The following ZNF362 variants were observed in gnomAD, a reference collection of about 807,000 sequenced individuals.
ZNF362 encodes rotund homolog.
A neutral mutation model predicts 42.9 loss-of-function variants in ZNF362; 11 were observed. The observed-to-expected ratio is 0.26, with a 90% confidence interval of 0.16 to 0.42. The LOEUF is 0.42. ZNF362 is among the 20% of genes least tolerant of loss of function. The pLI, the probability that ZNF362 is intolerant of heterozygous loss-of-function variation, is 1.00. For synonymous variants in ZNF362, 255 were observed against 257.3 expected (o/e 0.99, Z 0.09); for missense variants, 362 against 576.2 (o/e 0.63, Z 3.81).
In ZNF362 at chr1:33,281,828, C is replaced by G; in HGVS notation, c.908+17C>G. 1 of 1,611,876 alleles carries G rather than the reference C, an allele frequency of 6.2e-7. No homozygotes were observed. Among genetic ancestry groups the G allele is most frequent in the Non-Finnish European group, 8.5e-7 (1 of 1,178,256 alleles). On this transcript the variant is annotated intron_variant, in intron 6 of 8. Transcript: ENST00000539719. This position sits in a 1 kb window ranked among gnomAD's most constrained non-coding sequence, Gnocchi z 4.8. ...GCACACCAGGTGAGTGGCCTGCCTG[C>G]TGCCCTGCTGCAGCCCGACTCAGCT... is the stretch of plus-strand genomic sequence containing the variant.
the ZNF362 span, among the ~76,000 whole-genome samples, chr1:33,177,994 G>A: frequency 1.4e-3 from 207 of 152,298 alleles, 1 homozygote; most frequent in African/African-American, 4.9e-3. The surrounding 1 kb of genome is among the most constrained non-coding windows in gnomAD (Gnocchi z 4.1). Flanking sequence ...GATTACCTGG[G>A]TACAAAGCAG....
At chr1:33,194,532 CAAAAAAAAAAA>C in the ZNF362 span, among the ~76,000 whole-genome samples, 2 of 103,848 alleles carry the variant, frequency 1.9e-5, no homozygotes, top group African/African-American at 3.7e-5. Context: ...GACCCTGTCT[CAAAAAAAAAAA>C]AAAAAAAAAA....
Position 33,281,512 on chromosome 1 carries a change from TCTGATGTAGAAGGCCTCCC to T in ZNF362, c.684-70_684-52del. ...AGACCTGTCCCAGGTGCAAGGTCTC[TCTGATGTAGAAGGCCTCCC>T]CTGAGATGGACAGTCTGGGGGATCT... On this transcript the variant is annotated intron_variant, in intron 5 of 8. Transcript: ENST00000539719. The surrounding 1 kb of genome is among the most constrained non-coding windows in gnomAD (Gnocchi z 4.8). 7 of 1,447,232 alleles carry T rather than the reference TCTGATGTAGAAGGCCTCCC, an allele frequency of 4.8e-6. No individual in the cohort carries two copies. Among genetic ancestry groups the T allele is most frequent in the Non-Finnish European group, 6.7e-6 (7 of 1,037,136 alleles). The allele number at this position is 1,447,232 out of a possible 1,614,324, so 89.6% of individuals were successfully genotyped here.
the ZNF362 span, among the ~76,000 whole-genome samples, chr1:33,150,359 A>T: frequency 6.6e-6 from 1 of 152,224 alleles, no homozygotes; most frequent in African/African-American, 2.4e-5. Flanking sequence ...AATGATGGGG[A>T]CTGTCCCCAA....
At chr1:33,273,080 C>T (rs1042965552) in intron 2 of ZNF362, among the ~76,000 whole-genome samples, 1 of 152,256 alleles carries the variant, frequency 6.6e-6, no homozygotes, top group African/African-American at 2.4e-5. Flanking sequence ...TTGTACAGGT[C>T]CCAGGGCTGC....
chr1:33,211,434 G>T, the ZNF362 span, among the ~76,000 whole-genome samples: 5 of 152,076 alleles, frequency 3.3e-5, no homozygotes, highest in African/African-American at 7.2e-5. Flanking sequence ...CAGGCCTGGT[G>T]GTGACAAAAT....
chr1:33,280,339 A>C lies in ZNF362; in HGVS notation c.565A>C (p.Lys189Gln). ...IQGHGLLGPP[K>Q]SERGRKKIKA... Reference sequence around the variant, plus strand: ...GGGCCACGGCCTGCTTGGCCCCCCCAAGTCCGAACGCGGCCGCAAAAAGAT... The same window carrying C: ...GGGCCACGGCCTGCTTGGCCCCCCCCAGTCCGAACGCGGCCGCAAAAAGAT... Residue 189 changes from lysine to glutamine, a missense_variant, in exon 5 of 9, where the codon AAG becomes CAG. Transcript: ENST00000539719. The surrounding 1 kb of genome is among the most constrained non-coding windows in gnomAD (Gnocchi z 5.6). 6.2e-7 allele frequency: 1 copy of C among 1,613,478 alleles called. No individual in the cohort carries two copies. The highest frequency in any genetic ancestry group is 1.3e-5 in the African/African-American group (1 of 74,896).
the ZNF362 span, among the ~76,000 whole-genome samples, chr1:33,136,739 C>T: frequency 6.6e-6 from 1 of 151,766 alleles, no homozygotes; most frequent in South Asian, 2.1e-4. Context: ...GTGGCTCACG[C>T]CCGTAATCCC....
At chr1:33,250,883 G>GAAGAAGAAGAAGAAGAAGAAGAAA in the ZNF362 span, among the ~76,000 whole-genome samples, 5 of 151,960 alleles carry the variant, frequency 3.3e-5, no homozygotes, top group Non-Finnish European at 5.9e-5. Flanking sequence ...AGAAGAAGAA[G>GAAGAAGAAGAAGAAGAAGAAGAAA]AAGAAGAAGA....
chr1:33,166,513 A>G, the ZNF362 span, among the ~76,000 whole-genome samples: 1 of 152,178 alleles, frequency 6.6e-6, no homozygotes, highest in Non-Finnish European at 1.5e-5. Flanking sequence ...CTTTGCTTAT[A>G]TTAAATCATT....
At chr1:33,289,753 C>T (rs191209546) in intron 6 of ZNF362, among the ~76,000 whole-genome samples, 7 of 152,140 alleles carry the variant, frequency 4.6e-5, no homozygotes, top group Non-Finnish European at 7.4e-5. Context: ...CCATGCCAGG[C>T]GCTGGGGTGA....
the ZNF362 span, among the ~76,000 whole-genome samples, chr1:33,204,126 G>A: frequency 6.6e-6 from 1 of 151,968 alleles, no homozygotes; most frequent in East Asian, 1.9e-4. Flanking sequence ...TAGGTCCTTT[G>A]TCCATTTTGA....
the ZNF362 span, among the ~76,000 whole-genome samples, chr1:33,210,208 T>C: frequency 2.6e-5 from 4 of 152,214 alleles, no homozygotes; most frequent in East Asian, 3.8e-4. Context: ...CAGGAGCAGA[T>C]TGTTCAGTTT....
At chr1:33,171,203 A>G in the ZNF362 span, among the ~76,000 whole-genome samples, 1 of 152,224 alleles carries the variant, frequency 6.6e-6, no homozygotes, top group Admixed American at 6.5e-5. Flanking sequence ...CACACAGGAA[A>G]CTGGAGCCTG....
chr1:33,174,399 G>T, the ZNF362 span, among the ~76,000 whole-genome samples: 2 of 152,088 alleles, frequency 1.3e-5, no homozygotes, highest in African/African-American at 4.8e-5. Flanking sequence ...GCCCACACTG[G>T]TCTCGAACTT....
At chr1:33,190,907 C>A in the ZNF362 span, among the ~76,000 whole-genome samples, 2 of 152,294 alleles carry the variant, frequency 1.3e-5, no homozygotes, top group East Asian at 3.9e-4. Flanking sequence ...CCTAGCAACG[C>A]TTCTTCACCC....
At chr1:33,144,739 ATCAG>A in the ZNF362 span, among the ~76,000 whole-genome samples, 1 of 152,048 alleles carries the variant, frequency 6.6e-6, no homozygotes, top group Non-Finnish European at 1.5e-5. Context: ...ATGCTTCCTC[ATCAG>A]TCAGAGGTGG....
chr1:33,211,794 T>C, the ZNF362 span, among the ~76,000 whole-genome samples: 1 of 152,178 alleles, frequency 6.6e-6, no homozygotes, highest in Non-Finnish European at 1.5e-5. Flanking sequence ...CTTGCTAGGT[T>C]GGGGATGTTC....
At chr1:33,219,892 C>T in the ZNF362 span, among the ~76,000 whole-genome samples, 4 of 152,216 alleles carry the variant, frequency 2.6e-5, no homozygotes, top group African/African-American at 9.7e-5. Flanking sequence ...CCTTTCCCGT[C>T]TTCCTCCTTG....
Sources: allele counts gnomAD v4.1 joint callset (sites outside exome capture counted in the v4.1 genomes callset), GRCh38; gene constraint gnomAD v4.1.1; non-coding constraint Gnocchi (gnomAD v3.1); transcripts MANE v1.5; gene names NCBI Gene and HGNC (gene_info 2026-07-23, HGNC 2026-07-21).